ADGRD1: variants seen among roughly 807,000 people sequenced by gnomAD.
ADGRD1 encodes the protein adhesion G protein-coupled receptor D1.
A neutral mutation model predicts 113.4 loss-of-function variants in ADGRD1; 77 were observed. The ratio of observed to expected loss-of-function variants is 0.68; its 90% CI spans 0.57 to 0.82. The LOEUF is 0.82. Ranked by LOEUF, ADGRD1 falls within the 40% of genes least tolerant of loss-of-function variation. The pLI is 0.00. For missense variants in ADGRD1, 1,036 were observed against 1,139.1 expected (o/e 0.91, Z 1.30); for synonymous variants, 474 against 475.0 (o/e 1.00, Z 0.03).
intron 3 of ADGRD1, chr12:130,968,039 T>C (rs1002541841): frequency 3.3e-5 from 5 of 152,248 alleles, no homozygotes; most frequent in Non-Finnish European, 5.9e-5. Flanking sequence ...AAATGCCTTC[T>C]TGAAACAGCT....
rs904957835 is a variant in ADGRD1 at position 131,003,936 on chromosome 12, C to T, written c.1145-250C>T. Reference sequence around the variant, plus strand: ...CTGGGGGCTGTGCTGGGGCGGAGGGCGCCCCAGGTGAGGAGCCGCGCGCCC... The same window carrying T: ...CTGGGGGCTGTGCTGGGGCGGAGGGTGCCCCAGGTGAGGAGCCGCGCGCCC... On this transcript the variant is annotated intron_variant, in intron 10 of 24. Coordinates refer to ENST00000261654, the MANE Select transcript of ADGRD1 (RefSeq NM_198827.5). The surrounding 1 kb of genome is among the most constrained non-coding windows in gnomAD (Gnocchi z 4.8). Among the ~76,000 whole-genome samples the T allele has an allele frequency of 7.2e-5, 11 of 151,844 alleles. No individual in the cohort carries two copies. Among genetic ancestry groups the T allele is most frequent in the Admixed American group, 3.9e-4 (6 of 15,264 alleles).
intron 2 of ADGRD1, among the ~76,000 whole-genome samples, chr12:130,960,730 A>G (rs1034593411): frequency 6.6e-6 from 1 of 152,194 alleles, no homozygotes; most frequent in African/African-American, 2.4e-5. Flanking sequence ...TACAATGTAA[A>G]TAGAACATTC....
chr12:131,040,957 G>A (rs1882072997), intron 13 of ADGRD1, among the ~76,000 whole-genome samples: 1 of 152,218 alleles, frequency 6.6e-6, no homozygotes, highest in Non-Finnish European at 1.5e-5. Flanking sequence ...ACTTCTCGCG[G>A]TGCAGGTCTG....
rs931013554 is a variant in ADGRD1, at chr12:131,113,676, G to A, written c.2042-4709G>A. On this transcript the variant is annotated intron_variant, in intron 18 of 24. Transcript: ENST00000261654. This position sits in a 1 kb window ranked among gnomAD's most constrained non-coding sequence, Gnocchi z 4.9. ...ACTTGGGCAGCCACCTCCAGACTGC[G>A]GCTGGTCATGCAGGGAGCTCCCCGA... Among the ~76,000 whole-genome samples, 3 of 152,168 alleles carry A rather than the reference G, an allele frequency of 2.0e-5. No individual in the cohort carries two copies. Among genetic ancestry groups the A allele is most frequent in the Non-Finnish European group, 4.4e-5 (3 of 68,032 alleles).
chr12:130,998,496 G>T (rs569852861), intron 8 of ADGRD1, among the ~76,000 whole-genome samples: 3 of 151,396 alleles, frequency 2.0e-5, no homozygotes, highest in Non-Finnish European at 4.4e-5. Context: ...ATGGAGTCTC[G>T]CTCTGTCACC....
At chr12:130,962,700 T>A (rs1047339308) in intron 2 of ADGRD1, 1 of 152,248 alleles carries the variant, frequency 6.6e-6, no homozygotes, top group Non-Finnish European at 1.5e-5. Context: ...TGTGCTACTT[T>A]ATCTAGATAG....
At chr12:130,993,323 G>A (rs892826058) in intron 8 of ADGRD1, among the ~76,000 whole-genome samples, 2 of 151,850 alleles carry the variant, frequency 1.3e-5, no homozygotes, top group Non-Finnish European at 2.9e-5. Context: ...AATGGAGGGA[G>A]GTTGCCCTCA....
chr12:131,103,413 G>A (rs1950141782), intron 15 of ADGRD1, among the ~76,000 whole-genome samples: 1 of 152,266 alleles, frequency 6.6e-6, no homozygotes, highest in Admixed American at 6.5e-5. Flanking sequence ...CGTCCAGGCT[G>A]CCCCTACCCC....
intron 11 of ADGRD1, 90 bp downstream of exon 11, chr12:131,004,386 C>G: frequency 1.3e-6 from 1 of 768,144 alleles, no homozygotes; most frequent in Admixed American, 2.4e-5. Flanking sequence ...CCCACCGCGC[C>G]AGGGAGCTGC....
At chr12:131,083,318 AAG>A (rs1449596715) in intron 14 of ADGRD1, among the ~76,000 whole-genome samples, 1 of 152,086 alleles carries the variant, frequency 6.6e-6, no homozygotes, top group African/African-American at 2.4e-5. Flanking sequence ...GAAAATATAG[AAG>A]ACAGGGTACA....
intron 6 of ADGRD1, chr12:130,989,393 A>G (rs1393021092): frequency 6.6e-6 from 1 of 152,204 alleles, no homozygotes; most frequent in Non-Finnish European, 1.5e-5. Context: ...CCAGAATCCC[A>G]TTGCACCTGG....
chr12:131,118,985 A>G (rs546099444), intron 19 of ADGRD1, among the ~76,000 whole-genome samples: 9 of 152,304 alleles, frequency 5.9e-5, no homozygotes, highest in Admixed American at 2.6e-4. Flanking sequence ...GCCACTTGAA[A>G]TGCAGCTCAT....
intron 13 of ADGRD1, among the ~76,000 whole-genome samples, chr12:131,017,538 C>T (rs979381830): frequency 2.0e-5 from 3 of 148,986 alleles, no homozygotes; most frequent in African/African-American, 7.4e-5. Flanking sequence ...CACACACACC[C>T]AGTGCACACA....
intron 15 of ADGRD1, among the ~76,000 whole-genome samples, chr12:131,088,331 C>T (rs1886642205): frequency 6.6e-6 from 1 of 152,220 alleles, no homozygotes; most frequent in South Asian, 2.1e-4. Context: ...TGCTGTGGCA[C>T]GCACAGAGAC....
At chr12:131,029,100 A>C (rs572520784) in intron 13 of ADGRD1, among the ~76,000 whole-genome samples, 1 of 152,176 alleles carries the variant, frequency 6.6e-6, no homozygotes, top group Non-Finnish European at 1.5e-5. Flanking sequence ...GGCCATCTGC[A>C]TTTTTCTTTA....
chr12:131,086,080 G>A (rs1334697722), intron 15 of ADGRD1, among the ~76,000 whole-genome samples: 5 of 152,254 alleles, frequency 3.3e-5, no homozygotes, highest in East Asian at 3.9e-4. Flanking sequence ...TTGAACACCC[G>A]TCCCTGCCTG....
At chr12:131,076,493 G>A (rs1177168145) in intron 13 of ADGRD1, among the ~76,000 whole-genome samples, 1 of 152,004 alleles carries the variant, frequency 6.6e-6, no homozygotes, top group Non-Finnish European at 1.5e-5. Context: ...AGTGGGGAGG[G>A]AGCCTGTGGC....
intron 13 of ADGRD1, among the ~76,000 whole-genome samples, chr12:131,047,670 A>T (rs1036299861): frequency 6.6e-5 from 10 of 152,170 alleles, no homozygotes; most frequent in Non-Finnish European, 1.3e-4. Context: ...TTAGCCAGCC[A>T]TTGTCAGTGC....
intron 13 of ADGRD1, among the ~76,000 whole-genome samples, chr12:131,074,467 C>T (rs1258870100): frequency 6.6e-6 from 1 of 152,218 alleles, no homozygotes; most frequent in Admixed American, 6.5e-5. Flanking sequence ...TCCCATTCCC[C>T]AGCCACCTGG....
Sources: allele counts gnomAD v4.1 joint callset (sites outside exome capture counted in the v4.1 genomes callset), GRCh38; gene constraint gnomAD v4.1.1; non-coding constraint Gnocchi (gnomAD v3.1); transcripts MANE v1.5; gene names NCBI Gene and HGNC (gene_info 2026-07-23, HGNC 2026-07-21).